The following WDR7 variants were observed in gnomAD, a reference collection of about 807,000 sequenced individuals.
The protein encoded by WDR7 is WD repeat domain 7.
In WDR7, 46 loss-of-function variants were observed where a neutral mutation model predicts 169.4. The observed-to-expected ratio is 0.27, with a 90% CI of 0.21 to 0.35. The LOEUF (loss-of-function observed/expected upper bound fraction) is 0.35. WDR7 is among the 10% of genes least tolerant of loss of function. WDR7 has a pLI of 1.00. For synonymous variants in WDR7, 612 were observed against 666.8 expected (o/e 0.92, Z 1.27); for missense variants, 1,534 against 1,859.3 (o/e 0.83, Z 3.22).
chr18:56,688,863 G>T (rs1157748631), intron 7 of WDR7, among the ~76,000 whole-genome samples: 1 of 152,038 alleles, frequency 6.6e-6, no homozygotes, highest in Admixed American at 6.6e-5. Flanking sequence ...TTGTAATTAT[G>T]TGAGAACAGC....
intron 21 of WDR7, among the ~76,000 whole-genome samples, chr18:56,894,444 C>G (rs2046304629): frequency 6.6e-6 from 1 of 152,000 alleles, no homozygotes; most frequent in African/African-American, 2.4e-5. Flanking sequence ...ACACTCTTTC[C>G]CCCAGATACC....
chr18:56,857,370 C>T (rs377004464), intron 20 of WDR7, among the ~76,000 whole-genome samples: 3 of 152,020 alleles, frequency 2.0e-5, no homozygotes, highest in Non-Finnish European at 4.4e-5. Flanking sequence ...GCGATCCTTC[C>T]GCCTCAGCCT....
intron 12 of WDR7, among the ~76,000 whole-genome samples, chr18:56,713,115 G>C (rs2026119625): frequency 6.6e-6 from 1 of 152,142 alleles, no homozygotes; most frequent in Admixed American, 6.5e-5. Context: ...ATGGATGGGA[G>C]ATATTTCTAA....
intron 2 of WDR7, among the ~76,000 whole-genome samples, chr18:56,674,233 C>T (rs1398460280): frequency 6.6e-6 from 1 of 152,192 alleles, no homozygotes; most frequent in Non-Finnish European, 1.5e-5. Flanking sequence ...AAAGTAACTA[C>T]ATCATTTTGC....
At chr18:56,675,243 A>G (rs1399927095) in intron 2 of WDR7, among the ~76,000 whole-genome samples, 1 of 152,202 alleles carries the variant, frequency 6.6e-6, no homozygotes, top group Non-Finnish European at 1.5e-5. Flanking sequence ...GTCAATTTCT[A>G]CAAAGAAGTC....
chr18:56,978,859 G>A (rs2047603204), intron 26 of WDR7, among the ~76,000 whole-genome samples: 1 of 152,110 alleles, frequency 6.6e-6, no homozygotes, highest in African/African-American at 2.4e-5. Flanking sequence ...AAGGCAGGCT[G>A]GATTTGGAAA....
chr18:56,958,497 T>C (rs1485155752), intron 25 of WDR7, among the ~76,000 whole-genome samples: 3 of 152,144 alleles, frequency 2.0e-5, no homozygotes, highest in Non-Finnish European at 4.4e-5. Context: ...ATTGAAAATA[T>C]ATTTTATTGT....
chr18:56,826,851 C>T (rs1168109536), intron 20 of WDR7, among the ~76,000 whole-genome samples: 1 of 152,006 alleles, frequency 6.6e-6, no homozygotes, highest in Non-Finnish European at 1.5e-5. Context: ...CAGTTTTATT[C>T]AATAAAACAT....
rs1467636727 is a variant in WDR7, at chr18:56,806,407, A to G, written c.3191-9624A>G. 2.0e-5 allele frequency among the ~76,000 whole-genome samples: 3 copies of G among 152,172 alleles called. No individual in the cohort carries two copies. The East Asian group carries it at 5.8e-4, about 29-fold the overall frequency. On this transcript the variant is annotated intron_variant, in intron 19 of 27. Transcript: ENST00000254442. Reference sequence around the variant, plus strand: ...AGATCAGTGATTTTCAGACTTTTAGAAAAGCGGTATCCTTTCTTCAAATGA... The same window carrying G: ...AGATCAGTGATTTTCAGACTTTTAGGAAAGCGGTATCCTTTCTTCAAATGA...
chr18:56,708,763 C>T (rs942680015), intron 12 of WDR7, among the ~76,000 whole-genome samples: 4 of 152,064 alleles, frequency 2.6e-5, no homozygotes, highest in South Asian at 4.1e-4. Flanking sequence ...GGTGAAACCC[C>T]GTGTTTACTA....
intron 25 of WDR7, among the ~76,000 whole-genome samples, chr18:56,943,342 T>C (rs2047058386): frequency 6.6e-6 from 1 of 151,748 alleles, no homozygotes; most frequent in Admixed American, 6.6e-5. Flanking sequence ...AGTTTTGTAT[T>C]CTTTTTTTTT....
Position 56,977,758 on chromosome 18 carries a change from T to G in WDR7, c.4164+15229T>G, listed in dbSNP as rs1599213050. Among the ~76,000 whole-genome samples, 5 of 152,326 alleles carry G rather than the reference T, an allele frequency of 3.3e-5. No homozygotes were observed. In the South Asian group the frequency reaches 8.3e-4, roughly 25 times the overall value. ...AATGAAAACATTATATAAGAAGGGA[T>G]ATAAGAAAACATCTACATAAGTAAA... is the stretch of plus-strand genomic sequence containing the variant. On this transcript the variant is annotated intron_variant, in intron 26 of 27. Transcript: ENST00000254442.
intron 20 of WDR7, among the ~76,000 whole-genome samples, chr18:56,877,086 GA>G (rs1275787676): frequency 6.6e-6 from 1 of 151,716 alleles, no homozygotes; most frequent in Non-Finnish European, 1.5e-5. Context: ...AAAACTTTAA[GA>G]AAAGCATGAA....
At chr18:56,709,237 CTA>C (rs750258378) in intron 12 of WDR7, among the ~76,000 whole-genome samples, 63 of 152,108 alleles carry the variant, frequency 4.1e-4, no homozygotes, top group African/African-American at 1.4e-3. Flanking sequence ...GCAGATGAAA[CTA>C]TTCAGATTAA....
At chr18:56,758,440 A>G (rs998134448) in intron 15 of WDR7, among the ~76,000 whole-genome samples, 5 of 152,200 alleles carry the variant, frequency 3.3e-5, no homozygotes, top group African/African-American at 1.2e-4. Flanking sequence ...CACAACTGAG[A>G]CAGTCTGCCT....
At chr18:56,970,164 C>T (rs1355826313) in intron 26 of WDR7, among the ~76,000 whole-genome samples, 2 of 151,934 alleles carry the variant, frequency 1.3e-5, no homozygotes, top group Non-Finnish European at 2.9e-5. Flanking sequence ...TCTGTTCCCT[C>T]CTGCTGCAGG....
chr18:56,849,181 T>A (rs2045607633), intron 20 of WDR7, among the ~76,000 whole-genome samples: 1 of 152,168 alleles, frequency 6.6e-6, no homozygotes, highest in Non-Finnish European at 1.5e-5. Context: ...CCTTGTGTAA[T>A]CTGGTCTTCT....
chr18:56,956,217 A>T (rs550106487), intron 25 of WDR7, among the ~76,000 whole-genome samples: 1 of 152,260 alleles, frequency 6.6e-6, no homozygotes, highest in East Asian at 1.9e-4. Flanking sequence ...CACAGGAATG[A>T]TGCATTTCTG....
intron 19 of WDR7, among the ~76,000 whole-genome samples, chr18:56,804,394 G>A (rs570279070): frequency 6.6e-6 from 1 of 152,200 alleles, no homozygotes; most frequent in South Asian, 2.1e-4. Context: ...TTCTGGAAAA[G>A]GTAATTTAAA....
Sources: allele counts gnomAD v4.1 joint callset (sites outside exome capture counted in the v4.1 genomes callset), GRCh38; gene constraint gnomAD v4.1.1; transcripts MANE v1.5; gene names NCBI Gene and HGNC (gene_info 2026-07-23, HGNC 2026-07-21).